CDH18: variants seen among roughly 807,000 people sequenced by gnomAD.
The protein encoded by CDH18 is cadherin 18.
Under a neutral mutation model 67.9 loss-of-function variants are expected in CDH18, and 31 were observed. The observed-to-expected ratio is 0.46, with a 90% confidence interval of 0.34 to 0.62. The LOEUF is 0.62. CDH18 is among the 20% of genes least tolerant of loss of function. The probability of loss-of-function intolerance (pLI) is 0.01; values close to 1 mark genes in which losing one functional copy is unlikely to be tolerated. For synonymous variants in CDH18, 362 were observed against 347.2 expected (o/e 1.04, Z -0.48); for missense variants, 890 against 975.5 (o/e 0.91, Z 1.17).
In CDH18 at chr5:20,189,183, C is replaced by T. The variant is rs576534618; in HGVS notation, c.-518+66261G>A. On this transcript the variant is annotated intron_variant, in intron 2 of 14. Transcript: ENST00000507958. ...TGCCTGTTTTTTATTTGACTTCTCA[C>T]TTTTTTTTTGATCATTGGAGCTTAA... Among the ~76,000 whole-genome samples the T allele has an allele frequency of 2.0e-5, 3 of 151,432 alleles. No individual in the cohort carries two copies. The South Asian group carries it at 6.3e-4, about 32-fold the overall frequency.
Position 19,751,051 on chromosome 5 carries a change from C to T in CDH18, c.229-3815G>A, listed in dbSNP as rs10805642. On this transcript the variant is annotated intron_variant, in intron 3 of 12. Transcript: ENST00000382275. ...GCAGTCACCCTAGTGAAGCAAAATG[C>T]TAGTAATCTCTAGCATTACTTTAAT... Among the ~76,000 whole-genome samples, 1,019 of 152,172 alleles carry T rather than the reference C, an allele frequency of 6.7e-3. 76 individuals are homozygous for T. The East Asian group carries it at 0.17, about 26-fold the overall frequency.
chr5:20,133,947 C>A (rs1350391941), intron 2 of CDH18, among the ~76,000 whole-genome samples: 1 of 152,104 alleles, frequency 6.6e-6, no homozygotes, highest in African/African-American at 2.4e-5. Context: ...ATATGTCTTA[C>A]AACTTTTGAT....
chr5:19,954,601 T>A (rs1796080224), intron 2 of CDH18, among the ~76,000 whole-genome samples: 1 of 152,042 alleles, frequency 6.6e-6, no homozygotes, highest in Admixed American at 6.6e-5. Context: ...GGTGTGTTTA[T>A]TTAAAGAAAG....
At chr5:20,299,587 C>A (rs546346917) in intron 1 of CDH18, among the ~76,000 whole-genome samples, 7 of 151,610 alleles carry the variant, frequency 4.6e-5, no homozygotes, top group Non-Finnish European at 2.9e-5. Context: ...GGTGAAACCC[C>A]GTCTCTACTA....
At chr5:19,766,871 C>A (rs1418269145) in intron 3 of CDH18, among the ~76,000 whole-genome samples, 1 of 152,094 alleles carries the variant, frequency 6.6e-6, no homozygotes, top group Non-Finnish European at 1.5e-5. Context: ...CCAAAGAATG[C>A]CTTGTCATTC....
chr5:19,920,262 C>G (rs1354656458), intron 2 of CDH18, among the ~76,000 whole-genome samples: 1 of 152,000 alleles, frequency 6.6e-6, no homozygotes. Context: ...ATAAGTAAAC[C>G]AATCACTTAA....
At chr5:19,826,075 C>T (rs1349537250) in intron 3 of CDH18, among the ~76,000 whole-genome samples, 2 of 152,074 alleles carry the variant, frequency 1.3e-5, no homozygotes, top group Non-Finnish European at 2.9e-5. Flanking sequence ...CTCCAAGAAT[C>T]TCATAATACA....
chr5:19,785,256 C>G (rs112017195), intron 3 of CDH18, among the ~76,000 whole-genome samples: 1 of 152,170 alleles, frequency 6.6e-6, no homozygotes, highest in East Asian at 1.9e-4. Context: ...ATACATGTCT[C>G]TAGCTTTCAG....
chr5:20,106,186 C>T (rs73050741), intron 2 of CDH18, among the ~76,000 whole-genome samples: 5,829 of 152,166 alleles, frequency 0.038, 359 homozygotes, highest in African/African-American at 0.13. Flanking sequence ...TCCAACTCTA[C>T]GAGTTTCATA....
intron 11 of CDH18, among the ~76,000 whole-genome samples, chr5:19,492,009 A>ATG: frequency 6.6e-6 from 1 of 152,148 alleles, no homozygotes. Context: ...AACACATACA[A>ATG]AAAAAGAGAA....
chr5:19,967,318 G>A (rs1355198370), intron 2 of CDH18, among the ~76,000 whole-genome samples: 4 of 151,978 alleles, frequency 2.6e-5, no homozygotes, highest in African/African-American at 9.7e-5. Context: ...AGAAATCATG[G>A]TGATTCCAAT....
chr5:20,097,056 T>C (rs1247709563), intron 2 of CDH18, among the ~76,000 whole-genome samples: 1 of 152,198 alleles, frequency 6.6e-6, no homozygotes, highest in Non-Finnish European at 1.5e-5. Flanking sequence ...TATATATGTC[T>C]ACCATTTCTT....
intron 1 of CDH18, among the ~76,000 whole-genome samples, chr5:20,333,469 T>C (rs2150029433): frequency 6.8e-6 from 1 of 146,320 alleles, no homozygotes; most frequent in Non-Finnish European, 1.5e-5. Context: ...GTCGAGCCAC[T>C]GCACTCCAGC....
At chr5:20,061,038 C>A (rs1337250242) in intron 2 of CDH18, among the ~76,000 whole-genome samples, 1 of 151,686 alleles carries the variant, frequency 6.6e-6, no homozygotes, top group Non-Finnish European at 1.5e-5. Context: ...CTATTTTATA[C>A]ACGCAAATAA....
chr5:20,026,185 T>C (rs1381900291), intron 2 of CDH18, among the ~76,000 whole-genome samples: 2 of 152,158 alleles, frequency 1.3e-5, no homozygotes, highest in African/African-American at 2.4e-5. Context: ...GCCTTTCTGT[T>C]ACAGGAGAAA....
At chr5:20,467,234 A>T (rs1751694338) in intron 1 of CDH18, among the ~76,000 whole-genome samples, 1 of 152,094 alleles carries the variant, frequency 6.6e-6, no homozygotes, top group African/African-American at 2.4e-5. Flanking sequence ...ATGATTCTAA[A>T]AGATTAAAGA....
chr5:20,404,752 A>C (rs1429078968), intron 1 of CDH18, among the ~76,000 whole-genome samples: 1 of 152,190 alleles, frequency 6.6e-6, no homozygotes, highest in Non-Finnish European at 1.5e-5. Context: ...TGGAGATATG[A>C]AGTGAGCACA....
At chr5:19,699,585 TGA>T (rs1196198717) in intron 5 of CDH18, among the ~76,000 whole-genome samples, 1 of 151,348 alleles carries the variant, frequency 6.6e-6, no homozygotes, top group Non-Finnish European at 1.5e-5. Flanking sequence ...TGAAGACACA[TGA>T]GAGAGATGAT....
intron 1 of CDH18, among the ~76,000 whole-genome samples, chr5:20,385,755 T>C (rs1744265117): frequency 6.6e-6 from 1 of 152,234 alleles, no homozygotes; most frequent in Non-Finnish European, 1.5e-5. Context: ...TCCCATGGTA[T>C]GAAATAGACT....
Sources: gnomAD v4.1 joint callset for allele counts (sites outside exome capture counted in the v4.1 genomes callset) on GRCh38, gnomAD v4.1.1 for gene constraint, MANE v1.5 for transcripts, NCBI Gene and HGNC (gene_info 2026-07-23, HGNC 2026-07-21) for gene names.